Variants in IQANK1 observed in about 807,000 individuals in gnomAD.
IQANK1 encodes the protein IQ motif and ankyrin repeat containing 1.
IQANK1 carries 30 observed loss-of-function variants against 22.6 expected under a neutral mutation model. The ratio of observed to expected loss-of-function variants is 1.33; its 90% CI spans 0.99 to 1.80. The LOEUF (loss-of-function observed/expected upper bound fraction) is 1.80. Ranked by LOEUF, IQANK1 falls within the 40% of genes most tolerant of loss-of-function variation. The probability of loss-of-function intolerance (pLI) is 0.00; values close to 1 mark genes in which losing one functional copy is unlikely to be tolerated. For synonymous variants in IQANK1, 122 were observed against 99.6 expected, an observed-to-expected ratio of 1.23 and a Z score of -1.34; for missense variants, 275 against 235.2, an observed-to-expected ratio of 1.17 and a Z score of -1.11.
At chr8:143,764,137 G>A (rs188122895) in intron 3 of IQANK1, among the ~76,000 whole-genome samples, 284 of 152,140 alleles carry the variant, frequency 1.9e-3, no homozygotes, top group Middle Eastern at 0.01. Flanking sequence ...TGTGTGGAGG[G>A]CCCGCCGGAA....
intron 3 of IQANK1, chr8:143,742,310 C>T (rs1818938837): frequency 2.2e-6 from 1 of 447,198 alleles, no homozygotes; most frequent in African/African-American, 2.0e-5. Context: ...CCCCCGGGGG[C>T]TTCCCTTGCT....
rs1183056439 is a variant in IQANK1 at position 143,735,206 on chromosome 8, G to A, written c.-4-644G>A. Among the ~76,000 whole-genome samples the A allele has an allele frequency of 6.6e-6, 1 of 152,244 alleles. No individual in the cohort carries two copies. Among genetic ancestry groups the A allele is most frequent in the Non-Finnish European group, 1.5e-5 (1 of 68,054 alleles). The stretch of plus-strand genomic sequence containing the variant: ...AGTGCCCAGGCAACTGTGCTGCAGC[G>A]GGTGAGGGGCATGGGGCACCGGGGA... On this transcript the variant is annotated intron_variant, in intron 1 of 13. Coordinates refer to ENST00000527139, the MANE Select transcript of IQANK1 (RefSeq NM_001381874.1). The surrounding 1 kb of genome is among the most constrained non-coding windows in gnomAD (Gnocchi z 5.2).
chr8:143,779,806 C>T (rs1040124705), intron 7 of IQANK1, among the ~76,000 whole-genome samples: 1 of 152,178 alleles, frequency 6.6e-6, no homozygotes, highest in African/African-American at 2.4e-5. Flanking sequence ...TGGCACAATT[C>T]CTGGTGCAAA....
rs879995441 is a variant in IQANK1, at chr8:143,789,500, G to A, written c.1058G>A (p.Cys353Tyr). The A allele has an allele frequency of 8.1e-7, 1 of 1,232,266 alleles. No homozygotes were observed. Among genetic ancestry groups the A allele is most frequent in the Non-Finnish European group, 1.0e-6 (1 of 988,188 alleles). 76.3% of individuals were successfully genotyped at this position (1,232,266 alleles called of 1,614,324 possible). ...ISEHDQCEWR[C>Y]MDKTKLTLQA... is the part of the protein sequence containing the mutation. ...GAGCACGACCAGTGTGAGTGGAGGT[G>A]CATGGACAAGACCAAGCTCACGCTG... The change falls in exon 10 of 14, where the codon TGC (cysteine) becomes TAC (tyrosine). Residue 353 changes from cysteine to tyrosine, a missense_variant. Transcript: ENST00000527139.
intron 3 of IQANK1, among the ~76,000 whole-genome samples, chr8:143,753,098 G>A (rs1160054855): frequency 6.8e-6 from 1 of 147,674 alleles, no homozygotes; most frequent in Non-Finnish European, 1.5e-5. Context: ...TGACCTCCTG[G>A]GCTTAAGCAA....
Position 143,790,500 on chromosome 8 carries a change from G to A in IQANK1, c.1575G>A (p.Arg525=). The A allele has an allele frequency of 2.5e-6, 1 of 407,800 alleles. No individual in the cohort carries two copies. Among genetic ancestry groups the A allele is most frequent in the Non-Finnish European group, 4.3e-6 (1 of 234,244 alleles). 25.3% of individuals were successfully genotyped at this position (407,800 alleles called of 1,614,324 possible). ...EYSPTQFQEQ[R]LEHFRLFFVT... ...GCCCCACGCAGTTCCAGGAGCAGCG[G>A]CTGGAGCACTTCCGCCTCTTTTTCG... Residue 525 remains arginine, a synonymous_variant, in exon 14 of 14, where the codon CGG becomes CGA. Coordinates refer to ENST00000527139, the MANE Select transcript of IQANK1 (RefSeq NM_001381874.1).
In IQANK1 at chr8:143,790,203, T is replaced by C. The variant is rs1486370573; in HGVS notation, c.1356T>C (p.Tyr452=). 2.4e-6 allele frequency: 3 copies of C among 1,231,992 alleles called. No homozygotes were observed. The highest frequency in any genetic ancestry group is 3.0e-6 in the Non-Finnish European group (3 of 988,022). The allele number at this position is 1,231,992 out of a possible 1,614,324, so 76.3% of individuals were successfully genotyped here. The change falls in exon 13 of 14, where the codon TAT becomes TAC. Residue 452 remains tyrosine, a synonymous_variant. Coordinates refer to ENST00000527139, the MANE Select transcript of IQANK1 (RefSeq NM_001381874.1). ...TCCTGCGCTACCAGGATACCAACTA[T>C]GTGGACACGGTGAACCCGGAGCCCC... ...ATFLRYQDTN[Y]VDTVNPEPLR...
At chr8:143,775,335 T>TACAC (rs55908803) in intron 7 of IQANK1, among the ~76,000 whole-genome samples, 3,679 of 147,682 alleles carry the variant, frequency 0.025, 158 homozygotes, top group African/African-American at 0.084. Context: ...CCAGGCATGC[T>TACAC]ACACACACAC....
At chr8:143,785,783 G>A (rs549033443) in intron 7 of IQANK1, among the ~76,000 whole-genome samples, 1 of 150,290 alleles carries the variant, frequency 6.7e-6, no homozygotes, top group Non-Finnish European at 1.5e-5. Context: ...CTGGAATGCA[G>A]TGGCACGATC....
chr8:143,734,364 C>T (rs1461366068), intron 1 of IQANK1, 145 bp downstream of exon 1: 2 of 151,790 alleles, frequency 1.3e-5, no homozygotes, highest in Non-Finnish European at 1.5e-5. Flanking sequence ...ACAGAGGACC[C>T]CCAGACCCCA....
intron 7 of IQANK1, among the ~76,000 whole-genome samples, chr8:143,787,741 C>A (rs1223468030): frequency 6.6e-6 from 1 of 151,814 alleles, no homozygotes; most frequent in African/African-American, 2.4e-5. Context: ...GCGGCTCACC[C>A]GCGCACCCCA....
chr8:143,772,670 C>G (rs1001677431), intron 7 of IQANK1, among the ~76,000 whole-genome samples, 188 bp downstream of exon 7: 13 of 152,150 alleles, frequency 8.5e-5, no homozygotes, highest in African/African-American at 3.1e-4. Context: ...CCTGCTAGAG[C>G]GGTTTCCTAG....
Position 143,789,512 on chromosome 8 carries a change from C to A in IQANK1, c.1070C>A (p.Thr357Asn). Reference protein sequence around the residue: ...DQCEWRCMDKTKLTLQAIKDT... With the variant: ...DQCEWRCMDKNKLTLQAIKDT... Reference sequence around the variant, plus strand: ...TGTGAGTGGAGGTGCATGGACAAGACCAAGCTCACGCTGCAGGTGGGGGCC... The same window carrying A: ...TGTGAGTGGAGGTGCATGGACAAGAACAAGCTCACGCTGCAGGTGGGGGCC... The change falls in exon 10 of 14, where the codon ACC (threonine) becomes AAC (asparagine). Residue 357 changes from threonine to asparagine, a missense_variant. Physicochemically the swap from Thr to Asn is moderately conservative, Grantham distance 65 (BLOSUM62 0). Transcript: ENST00000527139. 8.1e-7 allele frequency: 1 copy of A among 1,232,264 alleles called. No individual in the cohort carries two copies. Among genetic ancestry groups the A allele is most frequent in the Non-Finnish European group, 1.0e-6 (1 of 988,206 alleles). The allele number at this position is 1,232,264 out of a possible 1,614,324, so 76.3% of individuals were successfully genotyped here.
intron 3 of IQANK1, among the ~76,000 whole-genome samples, chr8:143,760,923 G>T (rs1341848950): frequency 6.6e-6 from 1 of 152,178 alleles, no homozygotes; most frequent in Non-Finnish European, 1.5e-5. Flanking sequence ...GCCCAGCGCG[G>T]TGGCATGGGG....
At position 143,790,377 on chromosome 8, in the gene IQANK1, G is replaced by T. The variant is rs560844600; in HGVS notation, c.1452G>T (p.Leu484=). ...ATGGGAAGCCGCTGGTGTTCGACCT[G>T]CGAGAGGAAGACCTGTTCCCAGTCG... ...LRYGKPLVFD[L]REEDLFPVVQ... Residue 484 remains leucine, a synonymous_variant, in exon 14 of 14, where the codon CTG becomes CTT. Transcript: ENST00000527139. 83 of 1,007,572 alleles carry T rather than the reference G, an allele frequency of 8.2e-5. No homozygotes were observed. In the African/African-American group the frequency reaches 1.2e-3, roughly 15 times the overall value. The allele number at this position is 1,007,572 out of a possible 1,614,324, so 62.4% of individuals were successfully genotyped here.
chr8:143,781,730 G>A (rs1472383072), intron 7 of IQANK1, among the ~76,000 whole-genome samples: 1 of 152,184 alleles, frequency 6.6e-6, no homozygotes, highest in Non-Finnish European at 1.5e-5. Context: ...CTGTAGTATA[G>A]TTTGAAGCCG....
intron 7 of IQANK1, among the ~76,000 whole-genome samples, chr8:143,784,325 T>C (rs1819848357): frequency 6.6e-6 from 1 of 152,148 alleles, no homozygotes; most frequent in Non-Finnish European, 1.5e-5. Context: ...TAGAAGTATG[T>C]AGCACCTCCC....
chr8:143,743,451 T>C (rs1420320450), intron 3 of IQANK1, among the ~76,000 whole-genome samples: 1 of 152,224 alleles, frequency 6.6e-6, no homozygotes, highest in Non-Finnish European at 1.5e-5. Flanking sequence ...TTTTCGTCTT[T>C]ACAATTTTTG....
intron 3 of IQANK1, chr8:143,745,029 G>A (rs1025833892): frequency 1.4e-4 from 20 of 144,378 alleles, no homozygotes; most frequent in African/African-American, 4.7e-4. Flanking sequence ...CTCTATGTTG[G>A]TGACACAACC....
Sources: gnomAD v4.1 joint callset for allele counts (sites outside exome capture counted in the v4.1 genomes callset) on GRCh38, gnomAD v4.1.1 for gene constraint, Gnocchi (gnomAD v3.1) non-coding constraint, MANE v1.5 for transcripts, NCBI Gene and HGNC (gene_info 2026-07-23, HGNC 2026-07-21) for gene names.